HLCS: variants seen among roughly 807,000 people sequenced by gnomAD.
HLCS encodes holocarboxylase synthetase.
In HLCS, 53 loss-of-function variants were observed where a neutral mutation model predicts 75.0. The ratio of observed to expected loss-of-function variants is 0.71; its 90% CI spans 0.57 to 0.89. The LOEUF (loss-of-function observed/expected upper bound fraction) is 0.89, where lower values mean the gene tolerates loss of function less well. Among genes scored for constraint, HLCS ranks in the 40% least tolerant of loss-of-function variants. The probability of loss-of-function intolerance (pLI) is 0.00; values close to 1 mark genes in which losing one functional copy is unlikely to be tolerated. For missense variants in HLCS, 966 were observed against 1,074.0 expected (o/e 0.90, Z 1.41); for synonymous variants, 431 against 428.6 (o/e 1.01, Z -0.07).
rs901472642 is a variant in HLCS at position 36,842,255 on chromosome 21, G to A, written c.1892+54605C>T. On this transcript the variant is annotated intron_variant, in intron 6 of 10. Transcript: ENST00000674895. The surrounding 1 kb of genome is among the most constrained non-coding windows in gnomAD (Gnocchi z 4.2). Reference sequence around the variant, plus strand: ...TAAAACCAGGCAAAACTAAGATAGCGTCAGAAATCAGGACAGTGTTCCCCA... The same window carrying A: ...TAAAACCAGGCAAAACTAAGATAGCATCAGAAATCAGGACAGTGTTCCCCA... Among the ~76,000 whole-genome samples, 9 of 152,158 alleles carry A rather than the reference G, an allele frequency of 5.9e-5. No individual in the cohort carries two copies. Among genetic ancestry groups the A allele is most frequent in the Non-Finnish European group, 1.2e-4 (8 of 68,034 alleles).
intron 8 of HLCS, among the ~76,000 whole-genome samples, chr21:36,764,262 TG>T (rs1028805460): frequency 6.6e-6 from 1 of 152,008 alleles, no homozygotes; most frequent in Non-Finnish European, 1.5e-5. Context: ...CTGTGTGTGA[TG>T]GTGCACACCT....
At chr21:36,963,706 C>G (rs1029547770) in intron 1 of HLCS, among the ~76,000 whole-genome samples, 1 of 152,002 alleles carries the variant, frequency 6.6e-6, no homozygotes, top group Non-Finnish European at 1.5e-5. Flanking sequence ...GAGCCGAGAT[C>G]GTGCCATTGC....
chr21:36,881,067 T>G (rs1020103652), intron 6 of HLCS, among the ~76,000 whole-genome samples: 1 of 152,042 alleles, frequency 6.6e-6, no homozygotes, highest in African/African-American at 2.4e-5. Flanking sequence ...ACCTCCCAGA[T>G]TCAAGCAATC....
intron 5 of HLCS, among the ~76,000 whole-genome samples, chr21:36,911,041 A>G (rs2065683373): frequency 6.6e-6 from 1 of 152,212 alleles, no homozygotes; most frequent in Non-Finnish European, 1.5e-5. Flanking sequence ...ATGAATCTGG[A>G]GATGTGGTTT....
At chr21:36,795,374 G>A (rs1038842759) in intron 6 of HLCS, among the ~76,000 whole-genome samples, 4 of 152,158 alleles carry the variant, frequency 2.6e-5, no homozygotes, top group Admixed American at 2.6e-4. Flanking sequence ...CCTCCTGAGA[G>A]GCTCATGCCC....
intron 2 of HLCS, among the ~76,000 whole-genome samples, chr21:36,939,220 C>G (rs2067030271): frequency 6.6e-6 from 1 of 152,192 alleles, no homozygotes; most frequent in South Asian, 2.1e-4. Flanking sequence ...ATATAACTCT[C>G]TCATTTAAAA....
intron 4 of HLCS, 92 bp from the exon 5 acceptor site, chr21:36,930,525 T>C (rs1001678223): frequency 3.6e-6 from 4 of 1,099,596 alleles, no homozygotes; most frequent in African/African-American, 3.2e-5. Flanking sequence ...TTTTTTTAAA[T>C]TTAGAGACAG....
At chr21:36,860,250 C>T (rs2063336973) in intron 6 of HLCS, among the ~76,000 whole-genome samples, 1 of 152,050 alleles carries the variant, frequency 6.6e-6, no homozygotes, top group Non-Finnish European at 1.5e-5. Context: ...CACATAACCT[C>T]CCCCAAGGTC....
At chr21:36,857,858 C>T (rs549835696) in intron 6 of HLCS, among the ~76,000 whole-genome samples, 35 of 152,200 alleles carry the variant, frequency 2.3e-4, no homozygotes, top group African/African-American at 8.4e-4. Flanking sequence ...GGTGCAATCT[C>T]GGCTCAATGC....
chr21:36,910,355 G>A (rs1377645664), intron 5 of HLCS, among the ~76,000 whole-genome samples: 1 of 152,080 alleles, frequency 6.6e-6, no homozygotes, highest in Non-Finnish European at 1.5e-5. Flanking sequence ...GACCAGCCTG[G>A]CCAACATGGT....
At chr21:36,947,849 A>T (rs1364289790) in intron 2 of HLCS, 40 of 985,270 alleles carry the variant, frequency 4.1e-5, no homozygotes, top group Non-Finnish European at 4.8e-5. Context: ...TCAACAACCC[A>T]CTGGTACCCA....
intron 6 of HLCS, among the ~76,000 whole-genome samples, chr21:36,813,010 G>C (rs948799749): frequency 6.6e-6 from 1 of 152,176 alleles, no homozygotes; most frequent in African/African-American, 2.4e-5. Flanking sequence ...AGTGAGCTGT[G>C]ATCATGCCAC....
At chr21:36,783,167 G>A (rs2060584189) in intron 6 of HLCS, among the ~76,000 whole-genome samples, 1 of 152,144 alleles carries the variant, frequency 6.6e-6, no homozygotes, top group South Asian at 2.1e-4. Flanking sequence ...GCTGCCTCCA[G>A]AGCTAGGCTC....
rs75846035 is a variant in HLCS, at chr21:36,913,138, C to A, written c.1621-16007G>T. Among the ~76,000 whole-genome samples, 492 of 152,176 alleles carry A rather than the reference C, an allele frequency of 3.2e-3. 6 individuals carry two copies. The East Asian group carries it at 0.039, about 12-fold the overall frequency. Reference sequence around the variant, plus strand: ...ACCGTCCACAGCAGAAGAAATGGGACCCCAGACAGCATTAACGACTGCCCA... The same window carrying A: ...ACCGTCCACAGCAGAAGAAATGGGAACCCAGACAGCATTAACGACTGCCCA... On this transcript the variant is annotated intron_variant, in intron 5 of 10. Coordinates refer to ENST00000674895, the MANE Select transcript of HLCS (RefSeq NM_001352514.2).
At chr21:36,758,960 G>T (rs537229648) in intron 9 of HLCS, among the ~76,000 whole-genome samples, 1 of 151,972 alleles carries the variant, frequency 6.6e-6, no homozygotes, top group East Asian at 1.9e-4. Flanking sequence ...TTCCAGCCCG[G>T]GCAACAGTGC....
chr21:36,796,511 T>C (rs1303086384), intron 6 of HLCS, among the ~76,000 whole-genome samples: 1 of 152,142 alleles, frequency 6.6e-6, no homozygotes, highest in African/African-American at 2.4e-5. Flanking sequence ...CAGCAATCTG[T>C]TTTAGATGTA....
rs763666612 is a variant in HLCS at position 36,754,231 on chromosome 21, CG to C, written c.*14del. 7 of 1,613,258 alleles carry C rather than the reference CG, an allele frequency of 4.3e-6. No homozygotes were observed. Among genetic ancestry groups the C allele is most frequent in the Non-Finnish European group, 5.9e-6 (7 of 1,179,834 alleles). ...TGGGCACGGACAGGCAGCCGCGTCTCGGGGACGCCCGGCATTACCGCCGTTT... is the reference window on the plus strand; with the variant it reads ...TGGGCACGGACAGGCAGCCGCGTCTCGGGACGCCCGGCATTACCGCCGTTT... On this transcript the variant is annotated 3_prime_UTR_variant, in exon 11 of 11. Transcript: ENST00000674895.
In HLCS at chr21:36,767,267, C is replaced by T. The variant is rs775832153; in HGVS notation, c.1911G>A (p.Pro637=). 15 of 1,614,160 alleles carry T rather than the reference C, an allele frequency of 9.3e-6. No individual in the cohort carries two copies. The highest frequency in any genetic ancestry group is 6.7e-5 in the Admixed American group (4 of 60,026). The change falls in exon 7 of 11, where the codon CCG becomes CCA. Residue 637 remains proline, a synonymous_variant. Coordinates refer to ENST00000674895, the MANE Select transcript of HLCS (RefSeq NM_001352514.2). The part of the protein sequence containing the change: ...RLLDGLMFQT[P]QEMGLIVIAA... ...CGATCACTATTAAGCCCATTTCCTG[C>T]GGTGTCTGAAACATCAGCCTGCCGA...
rs2060340816 is a variant in HLCS, at chr21:36,775,805, G to A, written c.1893-8520C>T. Among the ~76,000 whole-genome samples the A allele has an allele frequency of 2.6e-5, 4 of 152,324 alleles. No individual in the cohort carries two copies. The South Asian group carries it at 8.3e-4, about 32-fold the overall frequency. ...GGGTCTGCTACTGGGAAGTGCTGCC[G>A]CTATTTCAGAGGATGGACACCGACT... On this transcript the variant is annotated intron_variant, in intron 6 of 10. Transcript: ENST00000674895.
Sources: gnomAD v4.1 joint callset for allele counts (sites outside exome capture counted in the v4.1 genomes callset) on GRCh38, gnomAD v4.1.1 for gene constraint, Gnocchi (gnomAD v3.1) non-coding constraint, MANE v1.5 for transcripts, NCBI Gene and HGNC (gene_info 2026-07-23, HGNC 2026-07-21) for gene names.